The following SLC13A5 variants were observed in gnomAD, a reference collection of about 807,000 sequenced individuals.
The protein encoded by SLC13A5 is solute carrier family 13 member 5.
In SLC13A5, 25 loss-of-function variants were observed where a neutral mutation model predicts 56.5. That is an observed-to-expected ratio of 0.44 (90% CI 0.32 to 0.62). SLC13A5 has a LOEUF of 0.62. SLC13A5 is among the 20% of genes least tolerant of loss of function. SLC13A5 has a pLI of 0.04. For missense variants in SLC13A5, 649 were observed against 737.8 expected (o/e 0.88, Z 1.39); for synonymous variants, 307 against 301.5 (o/e 1.02, Z -0.19).
chr17:6,695,823 G>T lies in SLC13A5; in HGVS notation c.958C>A (p.Leu320Met). 1 of 1,614,218 alleles carries T rather than the reference G, an allele frequency of 6.2e-7. No individual in the cohort carries two copies. The highest frequency in any genetic ancestry group is 8.5e-7 in the Non-Finnish European group (1 of 1,180,032). ...ATGACCAGCAGGAAGAAGCAGATCA[G>T]CACGTTGATCTCCGCGAAGGACAAG... is the stretch of plus-strand genomic sequence containing the variant. ...GPLSFAEINV[L>M]ICFFLLVILW... The change falls in exon 7 of 12, where the codon CTG (leucine) becomes ATG (methionine). Residue 320 changes from leucine to methionine, a missense_variant. Transcript: ENST00000433363.
In SLC13A5 at chr17:6,685,912, C is replaced by T. The variant is rs1973232357; in HGVS notation, c.*295G>A. The T allele has an allele frequency of 5.0e-5, 20 of 399,984 alleles. 1 individual carries two copies. In the South Asian group the frequency reaches 5.3e-4, roughly 11 times the overall value. The allele number at this position is 399,984 out of a possible 1,614,324, so 24.8% of individuals were successfully genotyped here. On this transcript the variant is annotated 3_prime_UTR_variant, in exon 12 of 12. Transcript: ENST00000433363. This position sits in a 1 kb window ranked among gnomAD's most constrained non-coding sequence, Gnocchi z 4.2. The stretch of plus-strand genomic sequence containing the variant: ...CAGAGCGGGTACAGCAGCCTGCATC[C>T]TGATCCCTCGGCTACCTGGCCTCCC...
intron 6 of SLC13A5, among the ~76,000 whole-genome samples, chr17:6,696,259 G>C (rs1180222937): frequency 6.6e-6 from 1 of 152,144 alleles, no homozygotes; most frequent in Non-Finnish European, 1.5e-5. Context: ...GTGGGAACAG[G>C]GCTCCCTCAC....
chr17:6,709,268 T>TTTAC (rs1282093164), intron 1 of SLC13A5, among the ~76,000 whole-genome samples: 3 of 123,098 alleles, frequency 2.4e-5, no homozygotes, highest in African/African-American at 8.1e-5. Flanking sequence ...TATTTATTTA[T>TTTAC]TTACTTACTT....
In SLC13A5 at chr17:6,695,784, G is replaced by T; in HGVS notation, c.997C>A (p.Arg333=). ...CAGCCGGGCATGAAGCCGGGGTCTC[G>T]GGAGAACCACAGGATGACCAGCAGG... ...FFLLVILWFS[R]DPGFMPGWLT... Residue 333 remains arginine (R), a synonymous_variant, in exon 7 of 12, where the codon CGA becomes AGA. Transcript: ENST00000433363. 2 of 1,614,124 alleles carry T rather than the reference G, an allele frequency of 1.2e-6. No homozygotes were observed. Among genetic ancestry groups the T allele is most frequent in the Non-Finnish European group, 1.7e-6 (2 of 1,180,014 alleles).
At position 6,692,957 on chromosome 17, in the gene SLC13A5, ACAC is replaced by A. The variant is rs1322787820; in HGVS notation, c.1275+84_1275+86del. The A allele has an allele frequency of 4.0e-6, 4 of 1,008,750 alleles. No individual in the cohort carries two copies. In the East Asian group the frequency reaches 9.5e-5, roughly 24 times the overall value. 62.5% of individuals were successfully genotyped at this position (1,008,750 alleles called of 1,614,324 possible). ...ATACGAAGGATGCAGGCACAGAAAC[ACAC>A]AAGCCCAGGGATGGAAGGGTGGAGA... On this transcript the variant is annotated intron_variant, in intron 9 of 11. Coordinates refer to ENST00000433363, the MANE Select transcript of SLC13A5 (RefSeq NM_177550.5). This position sits in a 1 kb window ranked among gnomAD's most constrained non-coding sequence, Gnocchi z 5.5.
chr17:6,697,193 G>T (rs1973585104), intron 6 of SLC13A5, among the ~76,000 whole-genome samples: 1 of 152,128 alleles, frequency 6.6e-6, no homozygotes, highest in South Asian at 2.1e-4. Context: ...AGTAAAGTTT[G>T]TGCTCTACCA....
In SLC13A5 at chr17:6,690,785, G is replaced by A. The variant is rs760319506; in HGVS notation, c.1431C>T (p.Ala477=). The change falls in exon 10 of 12, where the codon GCC becomes GCT. Residue 477 remains alanine, a synonymous_variant. Coordinates refer to ENST00000433363, the MANE Select transcript of SLC13A5 (RefSeq NM_177550.5). ...CCACTGTCAGGTTACTTACCATGGA[G>A]GCAAAGATGGGCAGGAACAAGGTGG... The part of the protein sequence containing the change: ...ATTTLFLPIF[A]SMSRSIGLNP... 3.1e-6 allele frequency: 5 copies of A among 1,614,220 alleles called. No individual in the cohort carries two copies. In the South Asian group the frequency reaches 4.4e-5, roughly 14 times the overall value.
intron 8 of SLC13A5, chr17:6,693,521 G>A: frequency 5.8e-6 from 1 of 171,068 alleles, no homozygotes; most frequent in Non-Finnish European, 1.2e-5. Flanking sequence ...TACCCTCAAA[G>A]GAAAAGCTAT....
rs759069275 is a variant in SLC13A5 at position 6,706,672 on chromosome 17, G to A, written c.338C>T (p.Thr113Met). The change falls in exon 3 of 12, where the codon ACG (threonine) becomes ATG (methionine). Residue 113 changes from threonine to methionine, a missense_variant. By Grantham distance (81) the Thr-to-Met change is moderately conservative. Coordinates refer to ENST00000433363, the MANE Select transcript of SLC13A5 (RefSeq NM_177550.5). ...WNLHKRIALR[T>M]LLWVGAKPAR... is the part of the protein sequence containing the mutation. ...AGGCTTGGCCCCCACCCAGAGGAGC[G>A]TGCGCAGGGCGATCCTCTTGTGCAG... 4.8e-5 allele frequency: 78 copies of A among 1,613,752 alleles called. No individual in the cohort carries two copies. The highest frequency in any genetic ancestry group is 2.6e-4 in the South Asian group (24 of 91,012).
rs371499002 is a variant in SLC13A5 at position 6,704,035 on chromosome 17, G to A, written c.390C>T (p.Gly130=). ...KPARLMLGFM[G]VTALLSMWIS... ...TCCACATGGACAGGAGGGCTGTGAC[G>A]CCCATGAAGCCCAGCATCAGCCTGC... is the stretch of plus-strand genomic sequence containing the variant. The change falls in exon 4 of 12, where the codon GGC becomes GGT. Residue 130 remains glycine, a synonymous_variant. Coordinates refer to ENST00000433363, the MANE Select transcript of SLC13A5 (RefSeq NM_177550.5). 3.7e-5 allele frequency: 59 copies of A among 1,611,930 alleles called. No individual in the cohort carries two copies. The South Asian group carries it at 4.2e-4, about 11-fold the overall frequency.
intron 1 of SLC13A5, among the ~76,000 whole-genome samples, chr17:6,712,585 A>G (rs1172480483): frequency 6.6e-6 from 1 of 152,248 alleles, no homozygotes; most frequent in Non-Finnish European, 1.5e-5. Context: ...GAGGCAAAGC[A>G]GGCCAACCCC....
chr17:6,710,438 C>A (rs1012663598), intron 1 of SLC13A5, among the ~76,000 whole-genome samples: 1 of 152,158 alleles, frequency 6.6e-6, no homozygotes, highest in African/African-American at 2.4e-5. Context: ...ACAAAGTCCT[C>A]GGTAACTTTT....
rs761430114 is a variant in SLC13A5 at position 6,704,083 on chromosome 17, C to G, written c.369-27G>C. 1.9e-6 allele frequency: 3 copies of G among 1,593,944 alleles called. No homozygotes were observed. The Admixed American group carries it at 5.3e-5, about 28-fold the overall frequency. On this transcript the variant is annotated intron_variant, in intron 3 of 11. Coordinates refer to ENST00000433363, the MANE Select transcript of SLC13A5 (RefSeq NM_177550.5). ...TGCAGAGGAGGGGCAGGGAGGAAAGCCAGAGAATCCCCACCCCACCCCCGT... is the reference window on the plus strand; with the variant it reads ...TGCAGAGGAGGGGCAGGGAGGAAAGGCAGAGAATCCCCACCCCACCCCCGT...
At chr17:6,696,022 A>AGCAGAATGTAGCAAAAAGAC (rs2151487494) in intron 6 of SLC13A5, 81 bp from the exon 7 acceptor site, 1 of 1,290,224 alleles carries the variant, frequency 7.8e-7, no homozygotes, top group Non-Finnish European at 1.1e-6. Flanking sequence ...AATGTTCTAC[A>AGCAGAATGTAGCAAAAAGAC]GCAGAATGTA....
Position 6,687,816 on chromosome 17 carries a change from G to T in SLC13A5, c.1438-150C>A. ...TCTCCCTTTTGCCACGTCTCTGGCA[G>T]ATAATTCCACCTACGGAACACTGAA... On this transcript the variant is annotated intron_variant, in intron 10 of 11. Coordinates refer to ENST00000433363, the MANE Select transcript of SLC13A5 (RefSeq NM_177550.5). This position sits in a 1 kb window ranked among gnomAD's most constrained non-coding sequence, Gnocchi z 5.0. 1 of 973,884 alleles carries T rather than the reference G, an allele frequency of 1.0e-6. No homozygotes were observed. Among genetic ancestry groups the T allele is most frequent in the South Asian group, 2.2e-5 (1 of 46,256 alleles). The allele number at this position is 973,884 out of a possible 1,614,324, so 60.3% of individuals were successfully genotyped here.
intron 3 of SLC13A5, 54 bp from the exon 4 acceptor site, chr17:6,704,110 C>T (rs1221771419): frequency 3.2e-6 from 5 of 1,559,926 alleles, no homozygotes; most frequent in Admixed American, 1.9e-5. Flanking sequence ...CACCCCCGTA[C>T]TCCCTGGGAA....
chr17:6,703,812 C>A, intron 4 of SLC13A5, 66 bp downstream of exon 4: 1 of 1,467,852 alleles, frequency 6.8e-7, no homozygotes, highest in Non-Finnish European at 9.0e-7. Flanking sequence ...GTGGCCAAAG[C>A]ATTTGCCAGC....
At position 6,695,920 on chromosome 17, in the gene SLC13A5, G is replaced by T; in HGVS notation, c.861C>A (p.Cys287Ter). The T allele has an allele frequency of 6.2e-7, 1 of 1,613,936 alleles. No individual in the cohort carries two copies. Among genetic ancestry groups the T allele is most frequent in the South Asian group, 1.1e-5 (1 of 91,076 alleles). The change falls in exon 7 of 12, where the codon TGC (cysteine) becomes TGA (stop). Residue 287 changes from cysteine (C) to a stop codon, truncating the protein, a stop_gained. Transcript: ENST00000433363. LOFTEE classifies it high-confidence loss of function. ...TCTCGTTTTTCTTGCTCTCTAGCCC[G>T]CAGCCCCAGGACTTTTTAAAACTGG... ...MRFNFKKSWG[C>*]GLESKKNEKA...
chr17:6,686,156 T>C lies in SLC13A5; in HGVS notation c.*51A>G. 6.2e-7 allele frequency: 1 copy of C among 1,611,218 alleles called. No homozygotes were observed. The highest frequency in any genetic ancestry group is 1.1e-5 in the South Asian group (1 of 90,938). On this transcript the variant is annotated 3_prime_UTR_variant, in exon 12 of 12. Coordinates refer to ENST00000433363, the MANE Select transcript of SLC13A5 (RefSeq NM_177550.5). ...CTCTGTACAAGGTGTGCCAGAAGGT[T>C]CGGTAGTCCTGAGGAGGGTAAGGGC... is the stretch of plus-strand genomic sequence containing the variant.
Sources: gnomAD v4.1 joint callset for allele counts (sites outside exome capture counted in the v4.1 genomes callset) on GRCh38, gnomAD v4.1.1 for gene constraint, Gnocchi (gnomAD v3.1) non-coding constraint, MANE v1.5 for transcripts, NCBI Gene and HGNC (gene_info 2026-07-23, HGNC 2026-07-21) for gene names.